RBFOX1: variants seen among roughly 807,000 people sequenced by gnomAD.
RBFOX1 encodes RNA binding protein fox-1 homolog 1.
In RBFOX1, 8 loss-of-function variants were observed where a neutral mutation model predicts 57.7. The observed-to-expected ratio is 0.14, with a 90% CI of 0.08 to 0.25. RBFOX1 has a LOEUF of 0.25. RBFOX1 is among the 10% of genes least tolerant of loss of function. The pLI is 1.00. For missense variants in RBFOX1, 611 were observed against 548.5 expected (o/e 1.11, Z -1.14); for synonymous variants, 326 against 222.4 (o/e 1.47, Z -4.15).
chr16:6,672,784 C>G (rs1319711269), intron 3 of RBFOX1, among the ~76,000 whole-genome samples: 2 of 152,176 alleles, frequency 1.3e-5, no homozygotes, highest in African/African-American at 2.4e-5. Flanking sequence ...ATTCACAGTT[C>G]TGGTAGAAAG....
At chr16:6,050,936 A>G (rs1021617925) in intron 1 of RBFOX1, among the ~76,000 whole-genome samples, 6 of 149,220 alleles carry the variant, frequency 4.0e-5, no homozygotes, top group Middle Eastern at 3.4e-3. Flanking sequence ...CTCCTTCCTC[A>G]AGTTTCTGCA....
At chr16:7,390,973 G>A (rs1219798860) in intron 4 of RBFOX1, among the ~76,000 whole-genome samples, 1 of 152,118 alleles carries the variant, frequency 6.6e-6, no homozygotes, top group Admixed American at 6.5e-5. Context: ...CTTGGAACAG[G>A]GAGTTTCCTG....
At chr16:6,684,474 A>T (rs1182001514) in intron 3 of RBFOX1, among the ~76,000 whole-genome samples, 1 of 152,216 alleles carries the variant, frequency 6.6e-6, no homozygotes, top group Admixed American at 6.5e-5. Context: ...AAACCTCCTG[A>T]ACTTAAGTCT....
intron 3 of RBFOX1, among the ~76,000 whole-genome samples, chr16:6,912,658 C>T (rs370553900): frequency 4.0e-5 from 6 of 151,006 alleles, no homozygotes; most frequent in African/African-American, 1.5e-4. Flanking sequence ...CTGTGTCATC[C>T]AGGCTGGAGT....
At chr16:5,304,212 T>C (rs180886595) in intron 1 of RBFOX1, among the ~76,000 whole-genome samples, 86 of 152,322 alleles carry the variant, frequency 5.6e-4, no homozygotes, top group African/African-American at 1.9e-3. Flanking sequence ...TCACAAAACA[T>C]TGCTTTCTGA....
rs906650879 is a variant in RBFOX1, at chr16:7,673,801, A to G, written c.931-2973A>G. On this transcript the variant is annotated intron_variant, in intron 13 of 15. Transcript: ENST00000550418. ...ATAAATGTTTCATGAATGGGAGCGT[A>G]GAACTATTTTGTGTTTGTCATGCCT... 5.6e-4 allele frequency among the ~76,000 whole-genome samples: 86 copies of G among 152,330 alleles called. 1 individual carries two copies. Among genetic ancestry groups the G allele is most frequent in the East Asian group, 3.9e-4 (2 of 5,182 alleles).
chr16:7,556,244 G>C (rs554436531), intron 5 of RBFOX1, among the ~76,000 whole-genome samples: 28 of 152,242 alleles, frequency 1.8e-4, no homozygotes, highest in African/African-American at 6.0e-4. Context: ...AAATCTGAGA[G>C]CCCAGATTCG....
chr16:6,871,285 A>C (rs527425276), intron 3 of RBFOX1, among the ~76,000 whole-genome samples: 216 of 152,230 alleles, frequency 1.4e-3, no homozygotes, highest in African/African-American at 4.7e-3. Context: ...TCCTGGGTTA[A>C]AGTGATTTTC....
intron 3 of RBFOX1, among the ~76,000 whole-genome samples, chr16:5,658,983 A>G (rs114080078): frequency 0.043 from 6,539 of 151,984 alleles, 481 homozygotes; most frequent in African/African-American, 0.15. Context: ...ATAAACATGC[A>G]TGAGCAATTA....
intron 1 of RBFOX1, among the ~76,000 whole-genome samples, chr16:6,247,660 G>C (rs1460326091): frequency 6.6e-6 from 1 of 152,140 alleles, no homozygotes. Flanking sequence ...ACAAACACTA[G>C]AGCATAGAGA....
At chr16:6,134,827 C>G (rs10468324) in intron 1 of RBFOX1, among the ~76,000 whole-genome samples, 20,329 of 143,480 alleles carry the variant, frequency 0.14, 1,511 homozygotes, top group Admixed American at 0.27. Flanking sequence ...TCTCTAGCAT[C>G]TTACCCCAGG....
At chr16:5,635,101 G>T (rs896856363) in intron 3 of RBFOX1, among the ~76,000 whole-genome samples, 7 of 152,132 alleles carry the variant, frequency 4.6e-5, no homozygotes, top group Admixed American at 1.3e-4. Context: ...AACTAATACA[G>T]TGTATCACTG....
chr16:7,370,431 C>T (rs2097545279), intron 4 of RBFOX1, among the ~76,000 whole-genome samples: 1 of 152,256 alleles, frequency 6.6e-6, no homozygotes. Flanking sequence ...ATTATATCTG[C>T]CAGGAATCAC....
intron 1 of RBFOX1, among the ~76,000 whole-genome samples, chr16:6,043,329 G>C (rs1210158108): frequency 6.6e-6 from 1 of 152,060 alleles, no homozygotes; most frequent in East Asian, 1.9e-4. Flanking sequence ...CATTCATGGA[G>C]GTTCTTCATA....
At chr16:5,834,153 A>G (rs1450303428) in intron 3 of RBFOX1, among the ~76,000 whole-genome samples, 1 of 152,164 alleles carries the variant, frequency 6.6e-6, no homozygotes, top group African/African-American at 2.4e-5. Flanking sequence ...TCAGTGGTAC[A>G]CGTGGTTTTT....
chr16:6,071,339 A>G (rs773882655), intron 1 of RBFOX1, among the ~76,000 whole-genome samples: 11 of 152,164 alleles, frequency 7.2e-5, no homozygotes, highest in Non-Finnish European at 1.5e-4. Context: ...ACAGGAAACA[A>G]ACAAAGAAAC....
chr16:6,263,831 C>T (rs28502468), intron 1 of RBFOX1, among the ~76,000 whole-genome samples: 3,862 of 152,238 alleles, frequency 0.025, 111 homozygotes, highest in African/African-American at 0.07. Context: ...TGCTTCCATC[C>T]CAAAATGCCA....
rs529369126 is a variant in RBFOX1 at position 6,587,635 on chromosome 16, C to G, written c.-63-66968C>G. Among the ~76,000 whole-genome samples, 87 of 152,150 alleles carry G rather than the reference C, an allele frequency of 5.7e-4. 1 individual carries two copies. Among genetic ancestry groups the G allele is most frequent in the African/African-American group, 1.5e-3 (64 of 41,516 alleles). On this transcript the variant is annotated intron_variant, in intron 2 of 15. Transcript: ENST00000550418. ...AATGCTAGAAGAAGCTAGACCATGA[C>G]AGACAAGTAAAAAAGAATGAAAATC...
intron 2 of RBFOX1, among the ~76,000 whole-genome samples, chr16:6,621,030 G>C (rs1267062325): frequency 6.6e-6 from 1 of 152,176 alleles, no homozygotes; most frequent in Non-Finnish European, 1.5e-5. Context: ...TCTGATCCTT[G>C]CATCTCTTTT....
Sources: gnomAD v4.1 joint callset for allele counts (sites outside exome capture counted in the v4.1 genomes callset) on GRCh38, gnomAD v4.1.1 for gene constraint, MANE v1.5 for transcripts, NCBI Gene and HGNC (gene_info 2026-07-23, HGNC 2026-07-21) for gene names.